PRICKLE2: variants seen among roughly 807,000 people sequenced by gnomAD.
PRICKLE2 encodes prickle-like protein 2.
A neutral mutation model predicts 81.4 loss-of-function variants in PRICKLE2; 21 were observed. The observed-to-expected ratio is 0.26, with a 90% CI of 0.18 to 0.37. PRICKLE2 has a LOEUF of 0.37. PRICKLE2 is among the 10% of genes least tolerant of loss of function. The pLI, the probability that PRICKLE2 is intolerant of heterozygous loss-of-function variation, is 1.00. For synonymous variants in PRICKLE2, 456 were observed against 421.5 expected (o/e 1.08, Z -1.00); for missense variants, 940 against 1,109.0 (o/e 0.85, Z 2.16).
intron 1 of PRICKLE2, among the ~76,000 whole-genome samples, chr3:64,223,755 A>G (rs912509611): frequency 1.2e-4 from 19 of 152,172 alleles, no homozygotes; most frequent in African/African-American, 4.6e-4. Context: ...CTTACTCTGG[A>G]GCCCTTGGGG....
intron 1 of PRICKLE2, among the ~76,000 whole-genome samples, chr3:64,210,557 T>C (rs1304750741): frequency 6.6e-6 from 1 of 152,226 alleles, no homozygotes; most frequent in Non-Finnish European, 1.5e-5. Context: ...TCTGGCCATC[T>C]GCACCAAGAA....
chr3:64,234,536 T>C (rs1355944902), intron 2 of PRICKLE2, among the ~76,000 whole-genome samples: 1 of 152,194 alleles, frequency 6.6e-6, no homozygotes, highest in Non-Finnish European at 1.5e-5. Context: ...GTTATAAAAG[T>C]TCCTTGTATA....
intron 7 of PRICKLE2, among the ~76,000 whole-genome samples, chr3:64,129,777 G>A (rs1222261718): frequency 6.6e-6 from 1 of 152,104 alleles, no homozygotes; most frequent in African/African-American, 2.4e-5. Context: ...CCTGGCTGCT[G>A]GGGGGTGCCA....
At position 64,099,060 on chromosome 3, in the gene PRICKLE2, G is replaced by C; in HGVS notation, c.2526C>G (p.Ile842Met). 1 of 1,614,132 alleles carries C rather than the reference G, an allele frequency of 6.2e-7. No homozygotes were observed. Among genetic ancestry groups the C allele is most frequent in the Non-Finnish European group, 8.5e-7 (1 of 1,180,010 alleles). The change falls in exon 8 of 8, where the codon ATC (isoleucine) becomes ATG (methionine). Residue 842 changes from isoleucine (I) to methionine (M), a missense_variant. Ile to Met is a conservative substitution (Grantham distance 10). Coordinates refer to ENST00000638394, the MANE Select transcript of PRICKLE2 (RefSeq NM_198859.4). The surrounding 1 kb of genome is among the most constrained non-coding windows in gnomAD (Gnocchi z 4.3). ...SRKRQKSKNC[I>M]IS The stretch of plus-strand genomic sequence containing the variant: ...CCTGATCCCAATCATATTAAGAAAT[G>C]ATACAGTTTTTGCTCTTCTGTCTTT...
intron 7 of PRICKLE2, among the ~76,000 whole-genome samples, chr3:64,119,470 T>C (rs1359285059): frequency 6.6e-6 from 1 of 152,174 alleles, no homozygotes; most frequent in African/African-American, 2.4e-5. Flanking sequence ...TCAACGTCAC[T>C]AATCATCACA....
At chr3:64,144,727 G>A (rs961081830) in intron 7 of PRICKLE2, among the ~76,000 whole-genome samples, 5 of 152,320 alleles carry the variant, frequency 3.3e-5, no homozygotes, top group East Asian at 1.9e-4. Context: ...CTTGTGGACC[G>A]ACATATGGCC....
chr3:64,206,155 T>C lies in PRICKLE2; in HGVS notation c.-40-7188A>G, dbSNP rs150583138. Among the ~76,000 whole-genome samples the C allele has an allele frequency of 4.7e-3, 713 of 152,272 alleles. 7 individuals are homozygous for C. The highest frequency in any genetic ancestry group is 8.1e-3 in the Non-Finnish European group (551 of 68,022). On this transcript the variant is annotated intron_variant, in intron 1 of 7. Transcript: ENST00000638394. The stretch of plus-strand genomic sequence containing the variant: ...TGCCAAGACATTACATGGAGATGCA[T>C]GGGGAATAGTAGGATGTCCCAGTGA...
chr3:64,249,653 C>A (rs1483428745), intron 2 of PRICKLE2, among the ~76,000 whole-genome samples: 1 of 152,116 alleles, frequency 6.6e-6, no homozygotes, highest in Admixed American at 6.5e-5. Context: ...TTCCTTGAAC[C>A]CTACTGGTCA....
intron 2 of PRICKLE2, among the ~76,000 whole-genome samples, chr3:64,186,747 T>C (rs566385511): frequency 1.2e-3 from 180 of 152,242 alleles, no homozygotes; most frequent in Admixed American, 1.7e-3. Flanking sequence ...GGCAGATAAA[T>C]AGATTGAGGA....
intron 2 of PRICKLE2, 84 bp downstream of exon 2, chr3:64,198,700 T>C: frequency 4.9e-6 from 7 of 1,439,512 alleles, no homozygotes; most frequent in Non-Finnish European, 5.9e-6. Context: ...AAGTCTACTC[T>C]TCCTACAGAA....
chr3:64,129,971 A>G (rs1161068744), intron 7 of PRICKLE2, among the ~76,000 whole-genome samples: 1 of 152,218 alleles, frequency 6.6e-6, no homozygotes, highest in Non-Finnish European at 1.5e-5. Context: ...ATCAGCCAAG[A>G]TTAAGGGCTG....
intron 7 of PRICKLE2, among the ~76,000 whole-genome samples, chr3:64,110,699 G>T (rs1351224600): frequency 6.6e-6 from 1 of 152,048 alleles, no homozygotes; most frequent in Admixed American, 6.5e-5. Context: ...AGAATATTTT[G>T]TACTAGAGAA....
rs140931283 is a variant in PRICKLE2 at position 64,094,994 on chromosome 3, C to A, written c.*4057G>T. ...GTTTTCCACTTTCCTTTGTCATGGA[C>A]GGATCTTCCTTCTTAGGCTTAAGCA... is the stretch of plus-strand genomic sequence containing the variant. On this transcript the variant is annotated 3_prime_UTR_variant, in exon 8 of 8. Transcript: ENST00000638394. 1 of 152,610 alleles carries A rather than the reference C, an allele frequency of 6.6e-6. No individual in the cohort carries two copies. Among genetic ancestry groups the A allele is most frequent in the Non-Finnish European group, 1.5e-5 (1 of 68,026 alleles). 9.5% of individuals were successfully genotyped at this position (152,610 alleles called of 1,614,324 possible).
chr3:64,211,547 T>C (rs2078786026), intron 1 of PRICKLE2, among the ~76,000 whole-genome samples: 2 of 152,180 alleles, frequency 1.3e-5, no homozygotes, highest in Non-Finnish European at 2.9e-5. Flanking sequence ...TATATGCCTG[T>C]GTGTGTGGAA....
intron 1 of PRICKLE2, among the ~76,000 whole-genome samples, chr3:64,208,811 C>T (rs80033538): frequency 0.13 from 19,977 of 152,206 alleles, 1,811 homozygotes; most frequent in Non-Finnish European, 0.19. Flanking sequence ...AAGTTAAGGA[C>T]CTATGTCATC....
At chr3:64,233,153 C>G (rs1404304703) in intron 2 of PRICKLE2, among the ~76,000 whole-genome samples, 1 of 152,188 alleles carries the variant, frequency 6.6e-6, no homozygotes, top group Non-Finnish European at 1.5e-5. Flanking sequence ...AAAATATACA[C>G]AGGATCTAAT....
At chr3:64,199,462 TAA>T (rs1304593038) in intron 1 of PRICKLE2, 1 of 159,782 alleles carries the variant, frequency 6.3e-6, no homozygotes, top group African/African-American at 2.4e-5. Context: ...AAAATGCAGG[TAA>T]AATGTTCTTT....
intron 2 of PRICKLE2, among the ~76,000 whole-genome samples, chr3:64,264,718 C>T (rs1228316450): frequency 6.6e-6 from 1 of 152,112 alleles, no homozygotes; most frequent in African/African-American, 2.4e-5. Flanking sequence ...TGCAGAGTAA[C>T]CTTTTGCAAA....
chr3:64,100,017 T>A, intron 7 of PRICKLE2, 92 bp from the exon 8 acceptor site: 1 of 1,420,002 alleles, frequency 7.0e-7, no homozygotes, highest in Non-Finnish European at 9.9e-7. Context: ...AGGGTCATTA[T>A]ATACCGTTGT....
Sources: allele counts gnomAD v4.1 joint callset (sites outside exome capture counted in the v4.1 genomes callset), GRCh38; gene constraint gnomAD v4.1.1; non-coding constraint Gnocchi (gnomAD v3.1); transcripts MANE v1.5; gene names NCBI Gene and HGNC (gene_info 2026-07-23, HGNC 2026-07-21).